C1orf21: variants seen among roughly 807,000 people sequenced by gnomAD.
C1orf21 encodes chromosome 1 open reading frame 21, also known as uncharacterized protein C1orf21.
A neutral mutation model predicts 18.7 loss-of-function variants in C1orf21; 3 were observed. The ratio of observed to expected loss-of-function variants is 0.16; its 90% CI spans 0.07 to 0.42. The LOEUF (loss-of-function observed/expected upper bound fraction) is 0.42, where lower values mean the gene tolerates loss of function less well. Ranked by LOEUF, C1orf21 falls within the 10% of genes least tolerant of loss-of-function variation. The probability of loss-of-function intolerance (pLI) is 0.99; values close to 1 mark genes in which losing one functional copy is unlikely to be tolerated. For missense variants in C1orf21, 104 were observed against 143.6 expected (o/e 0.72, Z 1.41); for synonymous variants, 41 against 46.4 (o/e 0.88, Z 0.47).
At chr1:184,576,172 T>C (rs557205345) in intron 3 of C1orf21, among the ~76,000 whole-genome samples, 2 of 152,024 alleles carry the variant, frequency 1.3e-5, no homozygotes, top group African/African-American at 2.4e-5. Flanking sequence ...TCACCCAGGC[T>C]GGAGTGCAGT....
intron 5 of C1orf21, among the ~76,000 whole-genome samples, chr1:184,619,037 G>A (rs533565149): frequency 2.8e-4 from 42 of 152,330 alleles, no homozygotes; most frequent in Admixed American, 7.2e-4. Context: ...CCTGTTATGC[G>A]TGTTTAAGGA....
intron 5 of C1orf21, among the ~76,000 whole-genome samples, chr1:184,607,734 T>C (rs561086146): frequency 8.0e-5 from 12 of 150,624 alleles, no homozygotes; most frequent in East Asian, 6.0e-4. Context: ...TATATATACA[T>C]ATATATGTGT....
intron 3 of C1orf21, chr1:184,566,492 G>T: frequency 3.5e-6 from 1 of 285,008 alleles, no homozygotes; most frequent in South Asian, 4.8e-5. Flanking sequence ...CTGAGAGGTG[G>T]ATTTCAGTGT....
At chr1:184,560,006 C>T (rs1361699498) in intron 3 of C1orf21, among the ~76,000 whole-genome samples, 4 of 152,126 alleles carry the variant, frequency 2.6e-5, no homozygotes, top group Non-Finnish European at 4.4e-5. Context: ...CCCGCCTTGA[C>T]CTCCCAAAGT....
chr1:184,494,335 G>C (rs1657859307), intron 2 of C1orf21, among the ~76,000 whole-genome samples: 1 of 152,192 alleles, frequency 6.6e-6, no homozygotes. Flanking sequence ...GGGCCGGACT[G>C]TACTGCTCTG....
At chr1:184,593,844 G>A (rs1172040237) in intron 4 of C1orf21, among the ~76,000 whole-genome samples, 1 of 152,180 alleles carries the variant, frequency 6.6e-6, no homozygotes, top group Middle Eastern at 3.2e-3. Context: ...ATGGGCCCTA[G>A]CAGTCTAATA....
At chr1:184,573,048 G>A (rs928391142) in intron 3 of C1orf21, among the ~76,000 whole-genome samples, 1 of 151,850 alleles carries the variant, frequency 6.6e-6, no homozygotes, top group Non-Finnish European at 1.5e-5. Flanking sequence ...CACTCTGGAT[G>A]CTTGCAGAGA....
chr1:184,412,272 T>C (rs1375300960), intron 1 of C1orf21: 1 of 152,206 alleles, frequency 6.6e-6, no homozygotes, highest in Non-Finnish European at 1.5e-5. Context: ...TTTTCTTTTG[T>C]AAGGAATGCA....
chr1:184,561,600 A>G (rs1301334157), intron 3 of C1orf21, among the ~76,000 whole-genome samples: 1 of 152,030 alleles, frequency 6.6e-6, no homozygotes, highest in Non-Finnish European at 1.5e-5. Context: ...TTGAACAGGT[A>G]TGTTTCTAGG....
intron 1 of C1orf21, among the ~76,000 whole-genome samples, chr1:184,428,769 C>T (rs111575444): frequency 0.019 from 2,842 of 152,214 alleles, 28 homozygotes; most frequent in Non-Finnish European, 0.025. Flanking sequence ...GCTTGTGCCC[C>T]TGGTGGATAA....
At chr1:184,542,951 T>C (rs1439815157) in intron 3 of C1orf21, among the ~76,000 whole-genome samples, 2 of 152,192 alleles carry the variant, frequency 1.3e-5, no homozygotes, top group African/African-American at 4.8e-5. Context: ...TTGACTGTTA[T>C]TGGGAAACAG....
In C1orf21 at chr1:184,507,800, A is replaced by G. The variant is rs1658086354; in HGVS notation, c.189+118A>G. ...GCACAAGATTTCTTGAAAATGCTGCAGCTATTTATAGCTTGCCTGGAAGCT... is the reference window on the plus strand; with the variant it reads ...GCACAAGATTTCTTGAAAATGCTGCGGCTATTTATAGCTTGCCTGGAAGCT... On this transcript the variant is annotated intron_variant, in intron 3 of 5. Coordinates refer to ENST00000235307, the MANE Select transcript of C1orf21 (RefSeq NM_030806.4). The G allele has an allele frequency of 1.1e-5, 8 of 754,946 alleles. No individual in the cohort carries two copies. The South Asian group carries it at 1.6e-4, about 15-fold the overall frequency. 46.8% of individuals were successfully genotyped at this position (754,946 alleles called of 1,614,324 possible).
rs1286761106 is a variant in C1orf21 at position 184,525,614 on chromosome 1, G to A, written c.189+17932G>A. Among the ~76,000 whole-genome samples the A allele has an allele frequency of 2.9e-4, 44 of 152,110 alleles. 1 individual carries two copies. The highest frequency in any genetic ancestry group is 2.8e-3 in the Admixed American group (43 of 15,270). ...TTTGCTGGTGTTAACTGACCAGAAG[G>A]ATATGAGGGATTATCTCTGGGTGGT... On this transcript the variant is annotated intron_variant, in intron 3 of 5. Coordinates refer to ENST00000235307, the MANE Select transcript of C1orf21 (RefSeq NM_030806.4).
rs974328665 is a variant in C1orf21 at position 184,430,036 on chromosome 1, C to T, written c.-125+42668C>T. 2.7e-5 allele frequency among the ~76,000 whole-genome samples: 4 copies of T among 149,100 alleles called. No homozygotes were observed. The South Asian group carries it at 8.5e-4, about 32-fold the overall frequency. On this transcript the variant is annotated intron_variant, in intron 1 of 5. Transcript: ENST00000235307. ...CTGAGGCAGGAGAATGGCGTGAACC[C>T]GGGAGGTGGAGCTTGCAGTGAGCCG... is the stretch of plus-strand genomic sequence containing the variant.
At chr1:184,524,417 T>G (rs530003014) in intron 3 of C1orf21, among the ~76,000 whole-genome samples, 47 of 152,270 alleles carry the variant, frequency 3.1e-4, no homozygotes, top group African/African-American at 1.1e-3. Flanking sequence ...AAACCTTACT[T>G]AGATAAGTTG....
At chr1:184,517,604 C>A (rs1399409738) in intron 3 of C1orf21, among the ~76,000 whole-genome samples, 1 of 152,068 alleles carries the variant, frequency 6.6e-6, no homozygotes, top group Non-Finnish European at 1.5e-5. Context: ...TCACTCTCTC[C>A]TTCTAGGGAC....
chr1:184,610,935 C>T (rs1571301189), intron 5 of C1orf21, among the ~76,000 whole-genome samples: 1 of 151,608 alleles, frequency 6.6e-6, no homozygotes, highest in African/African-American at 2.4e-5. Flanking sequence ...ATGGGGGTTT[C>T]GAAGCTGTTT....
chr1:184,541,029 A>G (rs552274428), intron 3 of C1orf21, among the ~76,000 whole-genome samples: 17 of 152,350 alleles, frequency 1.1e-4, no homozygotes, highest in African/African-American at 4.1e-4. Context: ...TATCTTAAAA[A>G]TCTTCATAAC....
rs535969842 is a variant in C1orf21, at chr1:184,544,338, A to G, written c.189+36656A>G. On this transcript the variant is annotated intron_variant, in intron 3 of 5. Transcript: ENST00000235307. ...TTGTGTAATGAATCACTTGAACCCT[A>G]CCATGCACCTTTTCCTGTGCATTGC... 2.0e-4 allele frequency among the ~76,000 whole-genome samples: 31 copies of G among 152,150 alleles called. 1 individual carries two copies. The highest frequency in any genetic ancestry group is 4.2e-4 in the South Asian group (2 of 4,816).
Sources: allele counts gnomAD v4.1 joint callset (sites outside exome capture counted in the v4.1 genomes callset), GRCh38; gene constraint gnomAD v4.1.1; transcripts MANE v1.5; gene names NCBI Gene and HGNC (gene_info 2026-07-23, HGNC 2026-07-21).